The following CAB39L variants were observed in gnomAD, a reference collection of about 807,000 sequenced individuals.
CAB39L encodes the protein calcium-binding protein 39-like.
In CAB39L, 23 loss-of-function variants were observed where a neutral mutation model predicts 39.1. The ratio of observed to expected loss-of-function variants is 0.59; its 90% CI spans 0.42 to 0.83. The LOEUF (loss-of-function observed/expected upper bound fraction) is 0.83. CAB39L is among the 40% of genes least tolerant of loss of function. The pLI is 0.00. For synonymous variants in CAB39L, 126 were observed against 137.2 expected (o/e 0.92, Z 0.57); for missense variants, 366 against 391.9 (o/e 0.93, Z 0.56).
intron 3 of CAB39L, among the ~76,000 whole-genome samples, chr13:49,422,001 G>T (rs1307171517): frequency 6.6e-6 from 1 of 152,006 alleles, no homozygotes; most frequent in Non-Finnish European, 1.5e-5. Context: ...GTTTGATGGG[G>T]GCGGGGAGAG....
rs150739574 is a variant in CAB39L, at chr13:49,322,090, G to T, written c.834+9857C>A. 9.5e-4 allele frequency among the ~76,000 whole-genome samples: 145 copies of T among 152,100 alleles called. No homozygotes were observed. In the East Asian group the frequency reaches 0.021, roughly 22 times the overall value. On this transcript the variant is annotated intron_variant, in intron 10 of 10. Transcript: ENST00000409308. ...GCAATCATCACCAGAATCAATTTTAGAACATTTTTATCATCCCAAAAAGAA... is the reference window on the plus strand; with the variant it reads ...GCAATCATCACCAGAATCAATTTTATAACATTTTTATCATCCCAAAAAGAA...
At chr13:49,382,770 T>C in intron 4 of CAB39L, 30 bp downstream of exon 4, 1 of 1,383,356 alleles carries the variant, frequency 7.2e-7, no homozygotes, top group Non-Finnish European at 1.0e-6. Context: ...GCATGTACTT[T>C]AATCATAATG....
intron 10 of CAB39L, among the ~76,000 whole-genome samples, chr13:49,316,035 G>A (rs950732049): frequency 1.3e-5 from 2 of 151,852 alleles, no homozygotes; most frequent in African/African-American, 2.4e-5. Context: ...TAAACAAAAC[G>A]GAGAACAGGA....
intron 7 of CAB39L, among the ~76,000 whole-genome samples, chr13:49,344,655 G>A (rs1593952801): frequency 1.3e-5 from 2 of 151,854 alleles, no homozygotes; most frequent in East Asian, 1.9e-4. Context: ...CTGAGTAGCT[G>A]GGACTACAGG....
At position 49,350,848 on chromosome 13, in the gene CAB39L, G is replaced by T. The variant is rs764750003; in HGVS notation, c.460C>A (p.Pro154Thr). 1.2e-6 allele frequency: 2 copies of T among 1,612,546 alleles called. No individual in the cohort carries two copies. The highest frequency in any genetic ancestry group is 8.5e-7 in the Non-Finnish European group (1 of 1,179,168). ...GAAAAGAGGATGATTTTGGCAAGTG[G>T]TTCATGTCGAATACATTCTCTCAGC... ...IMLRECIRHE[P>T]LAKIILFSNQ... Residue 154 changes from proline (P) to threonine (T), a missense_variant, in exon 7 of 11, where the codon CCA becomes ACA. Pro to Thr is a conservative substitution (Grantham distance 38). Coordinates refer to ENST00000409308, the MANE Select transcript of CAB39L (RefSeq NM_001079670.3).
chr13:49,360,759 C>A (rs1955609322), intron 5 of CAB39L, among the ~76,000 whole-genome samples: 1 of 152,032 alleles, frequency 6.6e-6, no homozygotes, highest in Non-Finnish European at 1.5e-5. Context: ...TGAATCAGTT[C>A]TCACACGATC....
At chr13:49,428,213 TG>T (rs1416764817) in intron 3 of CAB39L, among the ~76,000 whole-genome samples, 11 of 152,352 alleles carry the variant, frequency 7.2e-5, no homozygotes, top group African/African-American at 2.2e-4. Context: ...GTTAGCTCAA[TG>T]GTTCTGACTC....
chr13:49,332,427 G>A (rs1954732574), intron 9 of CAB39L, among the ~76,000 whole-genome samples: 1 of 152,068 alleles, frequency 6.6e-6, no homozygotes, highest in Admixed American at 6.5e-5. Flanking sequence ...TAGGCATTCA[G>A]GTAGAAGTAA....
chr13:49,327,035 C>A (rs986859995), intron 10 of CAB39L, among the ~76,000 whole-genome samples: 2 of 151,814 alleles, frequency 1.3e-5, no homozygotes, highest in Non-Finnish European at 2.9e-5. Context: ...TTGTTTCATT[C>A]TTTTTTTTGA....
chr13:49,424,246 C>T (rs1957213256), intron 3 of CAB39L, among the ~76,000 whole-genome samples: 1 of 152,212 alleles, frequency 6.6e-6, no homozygotes, highest in Non-Finnish European at 1.5e-5. Context: ...TCAACATCAA[C>T]AGTGATAAGT....
At chr13:49,410,494 A>G (rs1164796624) in intron 3 of CAB39L, among the ~76,000 whole-genome samples, 1 of 152,226 alleles carries the variant, frequency 6.6e-6, no homozygotes, top group Non-Finnish European at 1.5e-5. Flanking sequence ...TATTACTGTT[A>G]TAAATCTTTA....
At chr13:49,425,412 T>A (rs891016240) in intron 3 of CAB39L, among the ~76,000 whole-genome samples, 1 of 152,120 alleles carries the variant, frequency 6.6e-6, no homozygotes, top group East Asian at 1.9e-4. Context: ...TATAGGCATA[T>A]GTAGAAAAAT....
At chr13:49,341,017 C>T (rs1954989845) in intron 8 of CAB39L, among the ~76,000 whole-genome samples, 1 of 152,170 alleles carries the variant, frequency 6.6e-6, no homozygotes, top group African/African-American at 2.4e-5. Context: ...TATACCTGAA[C>T]ACAAAGCATT....
chr13:49,325,595 C>A (rs1451163597), intron 10 of CAB39L, among the ~76,000 whole-genome samples: 4 of 152,070 alleles, frequency 2.6e-5, no homozygotes, highest in African/African-American at 9.7e-5. Context: ...TTGAGACCAG[C>A]CGGGCCAACA....
intron 8 of CAB39L, among the ~76,000 whole-genome samples, chr13:49,340,279 G>T (rs1954971161): frequency 6.6e-6 from 1 of 152,188 alleles, no homozygotes; most frequent in African/African-American, 2.4e-5. Context: ...TCCTAACATG[G>T]TCACCAACCA....
rs138019787 is a variant in CAB39L, at chr13:49,368,321, C to T, written c.277-8489G>A. On this transcript the variant is annotated intron_variant, in intron 5 of 10. Coordinates refer to ENST00000409308, the MANE Select transcript of CAB39L (RefSeq NM_001079670.3). ...AAAAGCAGGTTCTGCTACCAGGGAC[C>T]GCTTCCCAAAACAGAGGAAAGGATT... 2.6e-3 allele frequency among the ~76,000 whole-genome samples: 401 copies of T among 152,244 alleles called. 3 individuals are homozygous for T. Among genetic ancestry groups the T allele is most frequent in the African/African-American group, 8.6e-3 (356 of 41,538 alleles).
chr13:49,341,938 A>G (rs1955020862), intron 8 of CAB39L, among the ~76,000 whole-genome samples: 1 of 152,190 alleles, frequency 6.6e-6, no homozygotes. Flanking sequence ...TTCTGTGGCT[A>G]TTTCCTTTAT....
At chr13:49,441,221 G>GTGTATATATA (rs1024957572) in intron 1 of CAB39L, among the ~76,000 whole-genome samples, 1 of 121,444 alleles carries the variant, frequency 8.2e-6, no homozygotes, top group African/African-American at 3.7e-5. Context: ...ATGATTTAGT[G>GTGTATATATA]TATATATATA....
chr13:49,417,833 C>A (rs1005544178), intron 3 of CAB39L, among the ~76,000 whole-genome samples: 1 of 152,062 alleles, frequency 6.6e-6, no homozygotes, highest in Non-Finnish European at 1.5e-5. Context: ...AAAAACCCTG[C>A]AAGTCATTAT....
Sources: allele counts gnomAD v4.1 joint callset (sites outside exome capture counted in the v4.1 genomes callset), GRCh38; gene constraint gnomAD v4.1.1; transcripts MANE v1.5; gene names NCBI Gene and HGNC (gene_info 2026-07-23, HGNC 2026-07-21).